The following TMEM245 variants were observed in gnomAD, a reference collection of about 807,000 sequenced individuals.
TMEM245 encodes the protein protein CG-2.
TMEM245 carries 69 observed loss-of-function variants against 101.2 expected under a neutral mutation model. The ratio of observed to expected loss-of-function variants is 0.68; its 90% CI spans 0.56 to 0.83. The LOEUF is 0.83. Ranked by LOEUF, TMEM245 falls within the 40% of genes least tolerant of loss-of-function variation. The pLI is 0.00. For missense variants in TMEM245, 1,075 were observed against 1,092.8 expected (o/e 0.98, Z 0.23); for synonymous variants, 537 against 449.8 (o/e 1.19, Z -2.45).
At position 109,090,890 on chromosome 9, in the gene TMEM245, C is replaced by T. The variant is rs187366780; in HGVS notation, c.1150+32G>A. 375 of 1,586,210 alleles carry T rather than the reference C, an allele frequency of 2.4e-4. 1 individual carries two copies. The African/African-American group carries it at 4.5e-3, about 19-fold the overall frequency. On this transcript the variant is annotated intron_variant, in intron 5 of 17. Coordinates refer to ENST00000374586, the MANE Select transcript of TMEM245 (RefSeq NM_032012.4). ...AAAGAAAAAAATCAATCTTCAAAGA[C>T]AAGACGAGATCGTACTTAACCAGAT...
intron 9 of TMEM245, among the ~76,000 whole-genome samples, chr9:109,070,886 ATTG>A (rs1564190973): frequency 1.3e-5 from 2 of 151,840 alleles, no homozygotes; most frequent in African/African-American, 4.8e-5. Context: ...TTACTTTTTT[ATTG>A]TTGTTTTTTT....
At chr9:109,104,971 C>A (rs1830372094) in intron 3 of TMEM245, among the ~76,000 whole-genome samples, 2 of 152,034 alleles carry the variant, frequency 1.3e-5, no homozygotes, top group Admixed American at 1.3e-4. Flanking sequence ...TGTCAGATGA[C>A]ATCAAAAACA....
chr9:109,074,789 A>C (rs958012172), intron 8 of TMEM245, among the ~76,000 whole-genome samples: 9 of 152,226 alleles, frequency 5.9e-5, no homozygotes, highest in Non-Finnish European at 1.0e-4. Flanking sequence ...CTAAGCCATC[A>C]AGTGATACCA....
Position 109,050,686 on chromosome 9 carries a change from C to T in TMEM245, c.1861G>A (p.Glu621Lys), listed in dbSNP as rs777643147. ...CGGCTCATAACGATCCACAGAGACT[C>T]CAAGATCTGACGAGGAAGGAAAGCT... ...ENIETFLSIL[E>K]SLWIVMSRNV... is the part of the protein sequence containing the mutation. The change falls in exon 13 of 18, where the codon GAG becomes AAG. Residue 621 changes from glutamate to lysine, a missense_variant. Coordinates refer to ENST00000374586, the MANE Select transcript of TMEM245 (RefSeq NM_032012.4). 2 of 1,612,156 alleles carry T rather than the reference C, an allele frequency of 1.2e-6. No individual in the cohort carries two copies. The highest frequency in any genetic ancestry group is 1.7e-6 in the Non-Finnish European group (2 of 1,179,710).
chr9:109,066,553 C>G (rs1327850700), intron 9 of TMEM245, among the ~76,000 whole-genome samples: 1 of 144,248 alleles, frequency 6.9e-6, no homozygotes, highest in African/African-American at 2.6e-5. Flanking sequence ...AGCATATAAA[C>G]AGGAAATCTG....
chr9:109,075,888 T>G (rs946800778), intron 8 of TMEM245, among the ~76,000 whole-genome samples: 1 of 152,198 alleles, frequency 6.6e-6, no homozygotes, highest in African/African-American at 2.4e-5. Flanking sequence ...TTCATTTACT[T>G]TGGATTTAAT....
chr9:109,100,142 C>G (rs1195335589), intron 3 of TMEM245, among the ~76,000 whole-genome samples: 1 of 152,128 alleles, frequency 6.6e-6, no homozygotes, highest in Non-Finnish European at 1.5e-5. Context: ...GAAGCTAGGT[C>G]ATGTAGTTGT....
intron 17 of TMEM245, among the ~76,000 whole-genome samples, chr9:109,025,159 T>G (rs1827756623): frequency 6.6e-6 from 1 of 152,186 alleles, no homozygotes; most frequent in Non-Finnish European, 1.5e-5. Context: ...TGACAGCAAG[T>G]GCACCCCAAG....
At chr9:109,092,222 T>C (rs533700324) in intron 4 of TMEM245, among the ~76,000 whole-genome samples, 2 of 152,370 alleles carry the variant, frequency 1.3e-5, no homozygotes, top group Admixed American at 6.5e-5. Flanking sequence ...ATCTCATATA[T>C]AGGAGGTGCT....
At chr9:109,083,400 T>C (rs2132532067) in intron 7 of TMEM245, among the ~76,000 whole-genome samples, 1 of 152,334 alleles carries the variant, frequency 6.6e-6, no homozygotes, top group South Asian at 2.1e-4. Context: ...TGCCCTCGCA[T>C]GGAAATTACC....
intron 3 of TMEM245, among the ~76,000 whole-genome samples, chr9:109,099,894 G>C (rs1830240192): frequency 6.6e-6 from 1 of 152,152 alleles, no homozygotes; most frequent in African/African-American, 2.4e-5. Flanking sequence ...CATTATAAAA[G>C]GGTGAGTTCA....
chr9:109,040,953 C>T (rs975239541), intron 14 of TMEM245, among the ~76,000 whole-genome samples: 3 of 152,092 alleles, frequency 2.0e-5, no homozygotes, highest in Admixed American at 6.5e-5. Flanking sequence ...TCTGTAAATA[C>T]CTAGGAGTGG....
At chr9:109,106,945 A>G (rs576774810) in intron 2 of TMEM245, among the ~76,000 whole-genome samples, 1 of 152,168 alleles carries the variant, frequency 6.6e-6, no homozygotes, top group Non-Finnish European at 1.5e-5. Context: ...CAGAATGACC[A>G]GAATTAGGCA....
chr9:109,059,716 T>C (rs1003696115), intron 11 of TMEM245, among the ~76,000 whole-genome samples: 4 of 151,790 alleles, frequency 2.6e-5, no homozygotes, highest in African/African-American at 9.7e-5. Context: ...TAATAAAAAA[T>C]AAAAGATCTC....
intron 10 of TMEM245, among the ~76,000 whole-genome samples, chr9:109,062,223 C>T (rs1207154094): frequency 6.6e-6 from 1 of 152,024 alleles, no homozygotes; most frequent in East Asian, 1.9e-4. Context: ...CCAAGCTGGT[C>T]TGGGCTCAAG....
chr9:109,106,736 C>CAA (rs751615133), intron 2 of TMEM245, 127 bp from the exon 3 acceptor site: 404 of 436,544 alleles, frequency 9.3e-4, no homozygotes, highest in African/African-American at 2.0e-3. Flanking sequence ...ACTTATCAGG[C>CAA]AAAAAAAAAA....
At chr9:109,081,798 A>G (rs1409055730) in intron 7 of TMEM245, among the ~76,000 whole-genome samples, 1 of 152,222 alleles carries the variant, frequency 6.6e-6, no homozygotes, top group Non-Finnish European at 1.5e-5. Flanking sequence ...ATCAGTTATT[A>G]AAACTGTGCT....
chr9:109,039,797 G>A (rs1307070192), intron 14 of TMEM245, among the ~76,000 whole-genome samples: 2 of 152,048 alleles, frequency 1.3e-5, no homozygotes, highest in Admixed American at 6.5e-5. Flanking sequence ...GACCAAGGGA[G>A]AAGGTAGGTT....
At chr9:109,071,966 G>C (rs1173094533) in intron 9 of TMEM245, among the ~76,000 whole-genome samples, 1 of 152,196 alleles carries the variant, frequency 6.6e-6, no homozygotes, top group Non-Finnish European at 1.5e-5. Flanking sequence ...TATAATCTCT[G>C]CCACAGCTAC....
Sources: allele counts gnomAD v4.1 joint callset (sites outside exome capture counted in the v4.1 genomes callset), GRCh38; gene constraint gnomAD v4.1.1; transcripts MANE v1.5; gene names NCBI Gene and HGNC (gene_info 2026-07-23, HGNC 2026-07-21).